Variants in PEAR1 observed in about 807,000 individuals in gnomAD.
PEAR1 encodes multiple EGF-like domains protein 12.
PEAR1 carries 113 observed loss-of-function variants against 131.2 expected under a neutral mutation model. That is an observed-to-expected ratio of 0.86 (90% confidence interval 0.74 to 1.01). The LOEUF is 1.01. PEAR1 is among the 50% of genes least tolerant of loss of function. The pLI, the probability that PEAR1 is intolerant of heterozygous loss-of-function variation, is 0.00. For synonymous variants in PEAR1, 565 were observed against 523.3 expected (o/e 1.08, Z -1.09); for missense variants, 1,408 against 1,391.1 (o/e 1.01, Z -0.19).
chr1:156,901,133 T>C (rs1039810417), intron 1 of PEAR1, among the ~76,000 whole-genome samples: 7 of 152,082 alleles, frequency 4.6e-5, no homozygotes, highest in Non-Finnish European at 7.4e-5. Flanking sequence ...CCCACTGATC[T>C]CCCCTGACCC....
intron 1 of PEAR1, among the ~76,000 whole-genome samples, chr1:156,898,209 G>A (rs1032890656): frequency 5.3e-5 from 8 of 152,190 alleles, no homozygotes; most frequent in African/African-American, 1.9e-4. Flanking sequence ...GGTTGGGACT[G>A]GCACTGGCAA....
At position 156,906,716 on chromosome 1, in the gene PEAR1, T is replaced by C; in HGVS notation, c.480T>C (p.Ser160=). 2 of 1,613,808 alleles carry C rather than the reference T, an allele frequency of 1.2e-6. No homozygotes were observed. The highest frequency in any genetic ancestry group is 1.7e-6 in the Non-Finnish European group (2 of 1,179,942). Residue 160 remains serine, a synonymous_variant, in exon 6 of 23, where the codon AGT becomes AGC. Transcript: ENST00000292357. ...CGNNSSCDPK[S]GVCSCPSGLQ... is the part of the protein sequence containing the mutation. ...ACAACAGCTCGTGTGATCCCAAGAG[T>C]GGGGTATGTTCTTGCCCTTCTGGTC...
chr1:156,912,203 A>C, intron 15 of PEAR1, 44 bp from the exon 16 acceptor site: 1 of 1,567,480 alleles, frequency 6.4e-7, no homozygotes, highest in Non-Finnish European at 8.6e-7. Flanking sequence ...TCATCCAGGA[A>C]AAGCTGTACC....
At chr1:156,894,862 A>G (rs1649008298) in intron 1 of PEAR1, among the ~76,000 whole-genome samples, 1 of 152,202 alleles carries the variant, frequency 6.6e-6, no homozygotes, top group African/African-American at 2.4e-5. Context: ...GTCAGCTCTC[A>G]ACCCTGGCCT....
In PEAR1 at chr1:156,902,718, G is replaced by C. The variant is rs1020791609; in HGVS notation, c.-9-1200G>C. The stretch of plus-strand genomic sequence containing the variant: ...AATTATAAGCAGATGTGGGCGCCTC[G>C]GGGAGGCGTAGAGCAGGGAGCCAGA... On this transcript the variant is annotated intron_variant, in intron 1 of 22. Coordinates refer to ENST00000292357, the MANE Select transcript of PEAR1 (RefSeq NM_001080471.3). This position sits in a 1 kb window ranked among gnomAD's most constrained non-coding sequence, Gnocchi z 4.3. 6.6e-6 allele frequency among the ~76,000 whole-genome samples: 1 copy of C among 152,118 alleles called. No individual in the cohort carries two copies. Among genetic ancestry groups the C allele is most frequent in the African/African-American group, 2.4e-5 (1 of 41,406 alleles).
chr1:156,912,660 C>T, intron 17 of PEAR1, 38 bp downstream of exon 17: 1 of 1,609,572 alleles, frequency 6.2e-7, no homozygotes, highest in Non-Finnish European at 8.5e-7. Flanking sequence ...CCATTGTCCC[C>T]AGGGAACTGG....
At position 156,914,072 on chromosome 1, in the gene PEAR1, C is replaced by T; in HGVS notation, c.2934C>T (p.Thr978=). ...RQPQPQRDSG[T]YEQPSPLIHD... is the part of the protein sequence containing the mutation. ...CCCAGCCACAGAGAGACAGTGGCAC[C>T]TACGAGCAGCCCAGCCCCCTGATCC... The change falls in exon 22 of 23, where the codon ACC becomes ACT. Residue 978 remains threonine, a synonymous_variant. Coordinates refer to ENST00000292357, the MANE Select transcript of PEAR1 (RefSeq NM_001080471.3). 6.2e-7 allele frequency: 1 copy of T among 1,604,704 alleles called. No individual in the cohort carries two copies. The highest frequency in any genetic ancestry group is 1.1e-5 in the South Asian group (1 of 89,420).
rs760283954 is a variant in PEAR1 at position 156,913,880 on chromosome 1, C to T, written c.2742C>T (p.Ala914=). The T allele has an allele frequency of 1.9e-6, 3 of 1,613,788 alleles. No individual in the cohort carries two copies. The highest frequency in any genetic ancestry group is 2.5e-6 in the Non-Finnish European group (3 of 1,179,884). Residue 914 remains alanine, a synonymous_variant, in exon 22 of 23, where the codon GCC becomes GCT. Coordinates refer to ENST00000292357, the MANE Select transcript of PEAR1 (RefSeq NM_001080471.3). The part of the protein sequence containing the change: ...KGLISEEELG[A]SVASLSSENP... ...TCATCTCTGAAGAGGAGCTCGGGGC[C>T]AGTGTGGCTTCCCTGAGCAGTGAGA... is the stretch of plus-strand genomic sequence containing the variant.
In PEAR1 at chr1:156,908,971, C is replaced by G. The variant is rs773530366; in HGVS notation, c.1346C>G (p.Ala449Gly). The change falls in exon 11 of 23, where the codon GCA becomes GGA. Residue 449 changes from alanine to glycine, a missense_variant. By Grantham distance (60) the Ala-to-Gly change is moderately conservative. Coordinates refer to ENST00000292357, the MANE Select transcript of PEAR1 (RefSeq NM_001080471.3). The surrounding 1 kb of genome is among the most constrained non-coding windows in gnomAD (Gnocchi z 4.2). ...GACACCTACGGTGTCAACTGTTCTGCACGCTGCTCATGTGAAAATGCCATC... is the reference window on the plus strand; with the variant it reads ...GACACCTACGGTGTCAACTGTTCTGGACGCTGCTCATGTGAAAATGCCATC... ...PPDTYGVNCS[A>G]RCSCENAIAC... The G allele has an allele frequency of 1.5e-5, 24 of 1,613,906 alleles. No homozygotes were observed. Among genetic ancestry groups the G allele is most frequent in the Non-Finnish European group, 1.9e-5 (23 of 1,179,948 alleles).
Position 156,905,379 on chromosome 1 carries a change from C to A in PEAR1, c.262C>A (p.Leu88Met), listed in dbSNP as rs760099989. The change falls in exon 4 of 23, where the codon CTG becomes ATG. Residue 88 changes from leucine (L) to methionine (M), a missense_variant. Transcript: ENST00000292357. ...GGTGAAGACGGACCACCGCCAGCGC[C>A]TGCAGTGCTGCCATGGCTTCTATGA... ...QVVKTDHRQR[L>M]QCCHGFYESR... 1 of 1,611,004 alleles carries A rather than the reference C, an allele frequency of 6.2e-7. No individual in the cohort carries two copies. The highest frequency in any genetic ancestry group is 1.7e-5 in the Admixed American group (1 of 59,758).
At chr1:156,913,556 G>A (rs1190503890) in intron 20 of PEAR1, 33 bp downstream of exon 20, 3 of 1,609,286 alleles carry the variant, frequency 1.9e-6, no homozygotes, top group Non-Finnish European at 2.5e-6. Context: ...CTCTGGCGCG[G>A]GTGGATGTGT....
In PEAR1 at chr1:156,909,006, C is replaced by G. The variant is rs1650723931; in HGVS notation, c.1381C>G (p.Pro461Ala). The change falls in exon 11 of 23, where the codon CCC (proline) becomes GCC (alanine). Residue 461 changes from proline (P) to alanine (A), a missense_variant. Physicochemically the swap from Pro to Ala is conservative, Grantham distance 27. Coordinates refer to ENST00000292357, the MANE Select transcript of PEAR1 (RefSeq NM_001080471.3). ...CSCENAIACSPIDGECVCKEG... is the reference protein window; with the variant it reads ...CSCENAIACSAIDGECVCKEG... ...ATGTGAAAATGCCATCGCCTGCTCA[C>G]CCATCGACGGCGAGTGCGTCTGCAA... 6.2e-7 allele frequency: 1 copy of G among 1,614,106 alleles called. No homozygotes were observed.
chr1:156,895,806 C>T (rs561813047), intron 1 of PEAR1, among the ~76,000 whole-genome samples: 1 of 152,192 alleles, frequency 6.6e-6, no homozygotes, highest in African/African-American at 2.4e-5. Context: ...AAACACCAGG[C>T]GAGGTGGCTC....
rs763701357 is a variant in PEAR1 at position 156,910,281 on chromosome 1, T to A, written c.1726T>A (p.Cys576Ser). Residue 576 changes from cysteine (C) to serine (S), a missense_variant, in exon 14 of 23, where the codon TGT (cysteine) becomes AGT (serine). Transcript: ENST00000292357. ...SCPEGLWGVN[C>S]SNTCTCKNGG... ...CCCTGAGGGCTTATGGGGAGTCAAC[T>A]GTAGCAACACCTGCACCTGCAAGAA... 3.1e-6 allele frequency: 5 copies of A among 1,613,516 alleles called. No homozygotes were observed. In the South Asian group the frequency reaches 3.3e-5, roughly 11 times the overall value.
At chr1:156,911,097 T>TCTTTC (rs1553269282) in intron 15 of PEAR1, among the ~76,000 whole-genome samples, 14 of 101,786 alleles carry the variant, frequency 1.4e-4, no homozygotes, top group Admixed American at 3.9e-4. Context: ...TTCTTTCCTT[T>TCTTTC]CTTTCTTTCT....
rs4661075 is a variant in PEAR1 at position 156,905,305 on chromosome 1, G to A, written c.207-19G>A. ...CGGACAGCAGGGAGGGCTGAGGGCCGCCTTCCTGGCCTCCGCAGGGTTGTA... is the reference window on the plus strand; with the variant it reads ...CGGACAGCAGGGAGGGCTGAGGGCCACCTTCCTGGCCTCCGCAGGGTTGTA... On this transcript the variant is annotated intron_variant, in intron 3 of 22. Coordinates refer to ENST00000292357, the MANE Select transcript of PEAR1 (RefSeq NM_001080471.3). The A allele has an allele frequency of 0.73, 1,174,387 of 1,602,602 alleles. 450,952 individuals are homozygous for A. Among genetic ancestry groups the A allele is most frequent in the Non-Finnish European group, 0.8 (944,809 of 1,176,336 alleles).
rs1651405457 is a variant in PEAR1 at position 156,912,951 on chromosome 1, G to T, written c.2391G>T (p.Gly797=). 6.2e-7 allele frequency: 1 copy of T among 1,614,092 alleles called. No individual in the cohort carries two copies. The highest frequency in any genetic ancestry group is 1.1e-5 in the South Asian group (1 of 91,090). The change falls in exon 18 of 23, where the codon GGG becomes GGT. Residue 797 remains glycine (G), a synonymous_variant. Coordinates refer to ENST00000292357, the MANE Select transcript of PEAR1 (RefSeq NM_001080471.3). ...HHHLAVAYSS[G]RLDGSEYVMP... is the part of the protein sequence containing the mutation. ...ACCTGGCTGTGGCTTACAGCAGCGG[G>T]CGCCTGGACGGCTCCGAGTATGTCA... is the stretch of plus-strand genomic sequence containing the variant.
chr1:156,906,577 G>A lies in PEAR1; in HGVS notation c.401-60G>A, dbSNP rs137903204. On this transcript the variant is annotated intron_variant, in intron 5 of 22. Transcript: ENST00000292357. Reference sequence around the variant, plus strand: ...GAGACAGAGGCTGGGAGACAGAGACGGGGAGGCTGGGGATGGACTAGACCC... The same window carrying A: ...GAGACAGAGGCTGGGAGACAGAGACAGGGAGGCTGGGGATGGACTAGACCC... The A allele has an allele frequency of 9.8e-3, 15,616 of 1,598,890 alleles. 139 individuals are homozygous for A. The highest frequency in any genetic ancestry group is 0.028 in the South Asian group (2,459 of 88,956).
chr1:156,900,682 G>A (rs1649594326), intron 1 of PEAR1, among the ~76,000 whole-genome samples: 1 of 152,194 alleles, frequency 6.6e-6, no homozygotes, highest in African/African-American at 2.4e-5. Flanking sequence ...GGGAGGGAAG[G>A]TGTTTGAGTC....
Sources: gnomAD v4.1 joint callset for allele counts (sites outside exome capture counted in the v4.1 genomes callset) on GRCh38, gnomAD v4.1.1 for gene constraint, Gnocchi (gnomAD v3.1) non-coding constraint, MANE v1.5 for transcripts, NCBI Gene and HGNC (gene_info 2026-07-23, HGNC 2026-07-21) for gene names.